BTBD9: variants seen among roughly 807,000 people sequenced by gnomAD.
The protein encoded by BTBD9 is BTB domain containing 9.
BTBD9 carries 49 observed loss-of-function variants against 64.3 expected under a neutral mutation model. The ratio of observed to expected loss-of-function variants is 0.76; its 90% CI spans 0.61 to 0.97. The LOEUF is 0.97. Ranked by LOEUF, BTBD9 falls within the 50% of genes least tolerant of loss-of-function variation. The pLI is 0.00. For missense variants in BTBD9, 598 were observed against 762.1 expected, an observed-to-expected ratio of 0.78 and a Z score of 2.53; for synonymous variants, 260 against 274.7, an observed-to-expected ratio of 0.95 and a Z score of 0.53.
At chr6:38,242,646 T>C (rs897427351) in intron 9 of BTBD9, among the ~76,000 whole-genome samples, 2 of 152,248 alleles carry the variant, frequency 1.3e-5, no homozygotes, top group Non-Finnish European at 2.9e-5. Flanking sequence ...AGTTCCTTCA[T>C]AGAAGAAATG....
intron 9 of BTBD9, among the ~76,000 whole-genome samples, chr6:38,223,191 G>A (rs1763276146): frequency 6.6e-6 from 1 of 152,146 alleles, no homozygotes; most frequent in Non-Finnish European, 1.5e-5. Context: ...ACAGGCATGA[G>A]CCACTACGCC....
intron 6 of BTBD9, among the ~76,000 whole-genome samples, chr6:38,417,780 G>GAC (rs763684705): frequency 1.0e-5 from 1 of 98,346 alleles, no homozygotes; most frequent in African/African-American, 5.0e-5. Flanking sequence ...CTCGAGGAGA[G>GAC]AGAGAGAGAG....
chr6:38,353,999 CT>C lies in BTBD9; in HGVS notation c.1155-8907del, dbSNP rs981675398. On this transcript the variant is annotated intron_variant, in intron 6 of 10. Transcript: ENST00000481247. ...AGGTTTGGAAGAATCTGTTTTTCTC[CT>C]TTTTTTTTCTTTTAGAGTAGAGAGT... Among the ~76,000 whole-genome samples, 38 of 151,676 alleles carry C rather than the reference CT, an allele frequency of 2.5e-4. No individual in the cohort carries two copies. In the South Asian group the frequency reaches 5.4e-3, roughly 22 times the overall value.
At chr6:38,408,280 C>T (rs955607716) in intron 6 of BTBD9, among the ~76,000 whole-genome samples, 12 of 152,020 alleles carry the variant, frequency 7.9e-5, no homozygotes, top group African/African-American at 2.7e-4. Context: ...ATCACTTGAG[C>T]CCAGGAGTTC....
intron 1 of BTBD9, among the ~76,000 whole-genome samples, chr6:38,634,190 T>C (rs1350377478): frequency 6.6e-6 from 1 of 152,198 alleles, no homozygotes; most frequent in Non-Finnish European, 1.5e-5. Flanking sequence ...CCTTTACAAA[T>C]GTGTTTATAA....
intron 9 of BTBD9, among the ~76,000 whole-genome samples, chr6:38,251,821 G>A (rs1256997877): frequency 6.6e-6 from 1 of 151,378 alleles, no homozygotes; most frequent in Non-Finnish European, 1.5e-5. Flanking sequence ...GAACCCAGTA[G>A]GCGGAGGCTG....
At position 38,597,909 on chromosome 6, in the gene BTBD9, C is replaced by T. The variant is rs1217683062; in HGVS notation, c.185+1G>A. 6.2e-7 allele frequency: 1 copy of T among 1,613,364 alleles called. No homozygotes were observed. The highest frequency in any genetic ancestry group is 8.5e-7 in the Non-Finnish European group (1 of 1,179,638). Reference sequence around the variant, plus strand: ...TTTCAAAAAAAGTATTACACACTTACCGAAAATATTGGCACCTGGCTGCTA... The same window carrying T: ...TTTCAAAAAAAGTATTACACACTTATCGAAAATATTGGCACCTGGCTGCTA... On this transcript the variant is annotated splice_donor_variant, in intron 2 of 10. Transcript: ENST00000481247. LOFTEE classifies it high-confidence loss of function.
intron 6 of BTBD9, among the ~76,000 whole-genome samples, chr6:38,464,778 G>A (rs1770268266): frequency 6.6e-6 from 1 of 152,194 alleles, no homozygotes; most frequent in African/African-American, 2.4e-5. Context: ...TTATAGGCTT[G>A]AGCCACTGCA....
chr6:38,483,328 C>T (rs1771249193), intron 6 of BTBD9, among the ~76,000 whole-genome samples: 1 of 152,124 alleles, frequency 6.6e-6, no homozygotes, highest in African/African-American at 2.4e-5. Flanking sequence ...ATCTCCCCTC[C>T]TCATACCGAA....
At chr6:38,270,558 G>C (rs539627008) in intron 8 of BTBD9, among the ~76,000 whole-genome samples, 1 of 152,278 alleles carries the variant, frequency 6.6e-6, no homozygotes, top group South Asian at 2.1e-4. Flanking sequence ...AGTCACACAT[G>C]AGAGTGTTTG....
At chr6:38,375,908 AAAG>A (rs1765663781) in intron 6 of BTBD9, among the ~76,000 whole-genome samples, 4 of 124,580 alleles carry the variant, frequency 3.2e-5, no homozygotes, top group African/African-American at 1.4e-4. Flanking sequence ...AGAAAGAAAG[AAAG>A]AAAGAAAGAA....
At chr6:38,225,829 C>T (rs1027081811) in intron 9 of BTBD9, among the ~76,000 whole-genome samples, 1 of 152,162 alleles carries the variant, frequency 6.6e-6, no homozygotes, top group Admixed American at 6.5e-5. Flanking sequence ...GACCTAATGA[C>T]ATCTGATGTT....
intron 1 of BTBD9, among the ~76,000 whole-genome samples, chr6:38,632,873 A>C (rs1778409052): frequency 6.6e-6 from 1 of 152,158 alleles, no homozygotes; most frequent in South Asian, 2.1e-4. Flanking sequence ...TCGAGGTTAT[A>C]GTGAGCTAGG....
At chr6:38,485,741 A>G (rs1205475465) in intron 6 of BTBD9, among the ~76,000 whole-genome samples, 5 of 152,122 alleles carry the variant, frequency 3.3e-5, no homozygotes, top group Non-Finnish European at 7.4e-5. Context: ...GGGCCCTAGG[A>G]TTTTCAAAGT....
chr6:38,377,439 T>A (rs1006887330), intron 6 of BTBD9, among the ~76,000 whole-genome samples: 6 of 152,216 alleles, frequency 3.9e-5, no homozygotes, highest in South Asian at 2.1e-4. Context: ...AATGATAGTA[T>A]GCAACTGTTA....
At chr6:38,232,372 G>A (rs1475830207) in intron 9 of BTBD9, among the ~76,000 whole-genome samples, 3 of 151,662 alleles carry the variant, frequency 2.0e-5, no homozygotes, top group Non-Finnish European at 2.9e-5. Context: ...CCGGGTTCAC[G>A]CCATTCTCCT....
intron 7 of BTBD9, among the ~76,000 whole-genome samples, chr6:38,297,583 A>G (rs892216675): frequency 6.6e-6 from 1 of 152,146 alleles, no homozygotes; most frequent in Non-Finnish European, 1.5e-5. Flanking sequence ...TCTGATGTCA[A>G]GTAACTATAA....
chr6:38,554,187 A>G (rs1420184499), intron 6 of BTBD9, among the ~76,000 whole-genome samples: 3 of 152,228 alleles, frequency 2.0e-5, no homozygotes, highest in Admixed American at 6.5e-5. Context: ...AGAAGGAGTC[A>G]GTCACACATC....
chr6:38,583,074 C>T (rs1328642808), intron 4 of BTBD9, among the ~76,000 whole-genome samples: 2 of 152,154 alleles, frequency 1.3e-5, no homozygotes, highest in African/African-American at 4.8e-5. Flanking sequence ...ATTCAGATAT[C>T]AATGATGCAT....
Sources: gnomAD v4.1 joint callset for allele counts (sites outside exome capture counted in the v4.1 genomes callset) on GRCh38, gnomAD v4.1.1 for gene constraint, MANE v1.5 for transcripts, NCBI Gene and HGNC (gene_info 2026-07-23, HGNC 2026-07-21) for gene names.